The following RLF variants were observed in gnomAD, a reference collection of about 807,000 sequenced individuals.
RLF encodes RLF zinc finger, also known as zinc finger protein Rlf.
Under a neutral mutation model 162.9 loss-of-function variants are expected in RLF, and 7 were observed. That is an observed-to-expected ratio of 0.04 (90% confidence interval 0.02 to 0.08). The LOEUF (loss-of-function observed/expected upper bound fraction) is 0.08. Ranked by LOEUF, RLF falls within the 10% of genes least tolerant of loss-of-function variation. RLF has a pLI of 1.00. For missense variants in RLF, 1,664 were observed against 2,244.7 expected, an observed-to-expected ratio of 0.74 and a Z score of 5.23; for synonymous variants, 782 against 791.5, an observed-to-expected ratio of 0.99 and a Z score of 0.20.
intron 3 of RLF, among the ~76,000 whole-genome samples, chr1:40,193,599 TAAG>T (rs892743723): frequency 4.6e-5 from 7 of 152,280 alleles, no homozygotes; most frequent in East Asian, 1.9e-4. Context: ...CATTCTAAGT[TAAG>T]AAGAAAGAAG....
chr1:40,218,627 C>T (rs1388063029), intron 5 of RLF, among the ~76,000 whole-genome samples: 1 of 152,186 alleles, frequency 6.6e-6, no homozygotes, highest in Non-Finnish European at 1.5e-5. Context: ...CCCTATCCAT[C>T]TAGACTGCTA....
At position 40,212,477 on chromosome 1, in the gene RLF, C is replaced by T. The variant is rs968988620; in HGVS notation, c.810+9863C>T. On this transcript the variant is annotated intron_variant, in intron 5 of 7. Coordinates refer to ENST00000372771, the MANE Select transcript of RLF (RefSeq NM_012421.4). ...TATAGACTTGGCAGTGGCTCAGTGTCCCAAGTGGATGTTTCCTATATTTTT... is the reference window on the plus strand; with the variant it reads ...TATAGACTTGGCAGTGGCTCAGTGTTCCAAGTGGATGTTTCCTATATTTTT... Among the ~76,000 whole-genome samples the T allele has an allele frequency of 2.6e-5, 4 of 152,104 alleles. No individual in the cohort carries two copies. The South Asian group carries it at 8.3e-4, about 32-fold the overall frequency.
At chr1:40,197,900 G>A (rs1642658483) in intron 4 of RLF, among the ~76,000 whole-genome samples, 1 of 152,286 alleles carries the variant, frequency 6.6e-6, no homozygotes, top group East Asian at 1.9e-4. Context: ...AAGCAGTGAT[G>A]TTCATCTCAC....
rs960992042 is a variant in RLF, at chr1:40,218,399, A to G, written c.811-4175A>G. Among the ~76,000 whole-genome samples the G allele has an allele frequency of 1.1e-4, 16 of 152,324 alleles. No individual in the cohort carries two copies. The South Asian group carries it at 2.5e-3, about 24-fold the overall frequency. On this transcript the variant is annotated intron_variant, in intron 5 of 7. Transcript: ENST00000372771. ...ATGCAAAACTGCACAACTCTGTGAC[A>G]TGGCCTTATTCAGTCTGTCTTTCCC...
chr1:40,235,084 G>A lies in RLF; in HGVS notation c.1090-708G>A, dbSNP rs192502723. Among the ~76,000 whole-genome samples, 17 of 121,156 alleles carry A rather than the reference G, an allele frequency of 1.4e-4. 1 individual carries two copies. In the East Asian group the frequency reaches 1.9e-3, roughly 13 times the overall value. 79.5% of individuals were successfully genotyped at this position (121,156 alleles called of 152,430 possible). A position where few individuals can be genotyped will look rare whatever the true frequency, so the allele number is the denominator to read the frequency against. ...TTTTTTTTTTTTTTTTTTTTGAGAC[G>A]GAGTTTTGCTCTTGTTGCCCAGGCT... is the stretch of plus-strand genomic sequence containing the variant. On this transcript the variant is annotated intron_variant, in intron 7 of 7. Coordinates refer to ENST00000372771, the MANE Select transcript of RLF (RefSeq NM_012421.4).
In RLF at chr1:40,239,925, T is replaced by C; in HGVS notation, c.5223T>C (p.Asn1741=). The change falls in exon 8 of 8, where the codon AAT becomes AAC. Residue 1741 remains asparagine, a synonymous_variant. Coordinates refer to ENST00000372771, the MANE Select transcript of RLF (RefSeq NM_012421.4). ...CAGGGCAAGAAAACACTGTAAAAAA[T>C]CCAACCCATGTCCCAAAAGAGAATT... is the stretch of plus-strand genomic sequence containing the variant. The part of the protein sequence containing the change: ...HSSGQENTVK[N]PTHVPKENFR... The C allele has an allele frequency of 6.2e-7, 1 of 1,613,478 alleles. No individual in the cohort carries two copies. Among genetic ancestry groups the C allele is most frequent in the Non-Finnish European group, 8.5e-7 (1 of 1,179,988 alleles).
chr1:40,231,788 C>T, intron 7 of RLF, 130 bp downstream of exon 7: 1 of 780,918 alleles, frequency 1.3e-6, no homozygotes. Context: ...ATGGAATTGA[C>T]CACATCTGAC....
intron 4 of RLF, among the ~76,000 whole-genome samples, chr1:40,201,348 G>C (rs181531950): frequency 6.6e-6 from 1 of 151,642 alleles, no homozygotes; most frequent in South Asian, 2.1e-4. Context: ...GGGCTCGGCC[G>C]GGTGCGGTGG....
chr1:40,193,012 G>T (rs906749092), intron 3 of RLF, among the ~76,000 whole-genome samples: 1 of 150,294 alleles, frequency 6.7e-6, no homozygotes, highest in African/African-American at 2.4e-5. Flanking sequence ...CTCCTGTTTT[G>T]ATGATCACCT....
intron 5 of RLF, 102 bp from the exon 6 acceptor site, chr1:40,222,472 A>G (rs543739501): frequency 6.1e-5 from 62 of 1,015,496 alleles, no homozygotes; most frequent in African/African-American, 6.5e-5. Flanking sequence ...GGAGAAAATT[A>G]TGTCTCTAAT....
chr1:40,206,011 C>G (rs1394694904), intron 5 of RLF, among the ~76,000 whole-genome samples: 2 of 152,122 alleles, frequency 1.3e-5, no homozygotes, highest in Non-Finnish European at 2.9e-5. Context: ...TCATCTTTGG[C>G]TTTAAATACC....
rs1642729782 is a variant in RLF at position 40,202,414 on chromosome 1, A to G, written c.610A>G (p.Asn204Asp). 6.4e-7 allele frequency: 1 copy of G among 1,565,662 alleles called. No homozygotes were observed. The change falls in exon 5 of 8, where the codon AAT (asparagine) becomes GAT (aspartate). Residue 204 changes from asparagine to aspartate, a missense_variant and splice_region_variant. Transcript: ENST00000372771. ...SQQPVETEEV[N>D]KLIAQEGPSF... ...GTTTTATTTTTCATTTTTTCTAGTC[A>G]ATAAATTGATTGCACAAGAAGGACC... is the stretch of plus-strand genomic sequence containing the variant.
At chr1:40,175,891 ACTG>A (rs1642318827) in intron 1 of RLF, among the ~76,000 whole-genome samples, 1 of 151,704 alleles carries the variant, frequency 6.6e-6, no homozygotes, top group Admixed American at 6.6e-5. Context: ...GTTTCTTCCT[ACTG>A]CTTTGTATTC....
chr1:40,171,147 C>T (rs1642238769), intron 1 of RLF, among the ~76,000 whole-genome samples: 1 of 152,186 alleles, frequency 6.6e-6, no homozygotes, highest in South Asian at 2.1e-4. Context: ...CCACCCCAGC[C>T]TCTCAAATAT....
chr1:40,190,932 C>A (rs957037812), intron 3 of RLF, 79 bp downstream of exon 3: 11 of 794,584 alleles, frequency 1.4e-5, no homozygotes, highest in African/African-American at 3.5e-5. Flanking sequence ...AAAATTGGAA[C>A]CTTAGAACAA....
chr1:40,192,252 T>A (rs970676806), intron 3 of RLF, among the ~76,000 whole-genome samples: 1 of 152,226 alleles, frequency 6.6e-6, no homozygotes, highest in African/African-American at 2.4e-5. Flanking sequence ...CCAGTCGTTT[T>A]GTTCTGGCAT....
In RLF at chr1:40,169,959, G is replaced by C. The variant is rs547197412; in HGVS notation, c.237+8323G>C. Among the ~76,000 whole-genome samples, 14 of 152,060 alleles carry C rather than the reference G, an allele frequency of 9.2e-5. No homozygotes were observed. In the East Asian group the frequency reaches 2.7e-3, roughly 30 times the overall value. On this transcript the variant is annotated intron_variant, in intron 1 of 7. Coordinates refer to ENST00000372771, the MANE Select transcript of RLF (RefSeq NM_012421.4). The stretch of plus-strand genomic sequence containing the variant: ...CCCACCTCACCCTCCCAAAGTGCTG[G>C]GATTACAGGCGTGAGCCACCACACG...
In RLF at chr1:40,239,806, C is replaced by T. The variant is rs1367861239; in HGVS notation, c.5104C>T (p.Pro1702Ser). ...TCCTTGTAAAATAGAAAATTCCATA[C>T]CTAATCCCAATGGGACTGAAAGTGG... ...PPPCKIENSI[P>S]NPNGTESGTY... The change falls in exon 8 of 8, where the codon CCT becomes TCT. Residue 1702 changes from proline to serine, a missense_variant. By Grantham distance (74) the Pro-to-Ser change is moderately conservative (BLOSUM62 -1). Transcript: ENST00000372771. 6.2e-7 allele frequency: 1 copy of T among 1,614,002 alleles called. No individual in the cohort carries two copies.
chr1:40,183,492 G>A (rs998474395), intron 1 of RLF, among the ~76,000 whole-genome samples: 8 of 152,170 alleles, frequency 5.3e-5, no homozygotes, highest in African/African-American at 1.7e-4. Context: ...GAAGTTAGAT[G>A]TTGTAAACTC....
Sources: allele counts gnomAD v4.1 joint callset (sites outside exome capture counted in the v4.1 genomes callset), GRCh38; gene constraint gnomAD v4.1.1; transcripts MANE v1.5; gene names NCBI Gene and HGNC (gene_info 2026-07-23, HGNC 2026-07-21).